Variants in COL23A1 observed in about 807,000 individuals in gnomAD.
COL23A1 encodes the protein collagen alpha-1(XXIII) chain.
Under a neutral mutation model 99.3 loss-of-function variants are expected in COL23A1, and 97 were observed. The observed-to-expected ratio is 0.98, with a 90% confidence interval of 0.83 to 1.16. The LOEUF is 1.16. Ranked by LOEUF, COL23A1 falls within the 50% of genes most tolerant of loss-of-function variation. The pLI is 0.00. For synonymous variants in COL23A1, 320 were observed against 308.2 expected, an observed-to-expected ratio of 1.04 and a Z score of -0.40; for missense variants, 762 against 757.4, an observed-to-expected ratio of 1.01 and a Z score of -0.07.
At chr5:178,424,558 G>A (rs908494381) in intron 2 of COL23A1, among the ~76,000 whole-genome samples, 1 of 152,304 alleles carries the variant, frequency 6.6e-6, no homozygotes, top group South Asian at 2.1e-4. Flanking sequence ...GGCAGTGCTA[G>A]GGCCAGGACA....
chr5:178,283,973 G>A (rs1757029456), intron 5 of COL23A1, among the ~76,000 whole-genome samples: 1 of 152,200 alleles, frequency 6.6e-6, no homozygotes, highest in Admixed American at 6.5e-5. Flanking sequence ...CAGTGCCCAG[G>A]CCAGGGTATG....
At chr5:178,285,276 G>A (rs73804767) in intron 5 of COL23A1, among the ~76,000 whole-genome samples, 3 of 152,150 alleles carry the variant, frequency 2.0e-5, no homozygotes, top group Non-Finnish European at 4.4e-5. Flanking sequence ...TCCACCACCA[G>A]AGTCTCCTGC....
intron 2 of COL23A1, among the ~76,000 whole-genome samples, chr5:178,541,726 C>T (rs1761299880): frequency 6.6e-6 from 1 of 152,234 alleles, no homozygotes; most frequent in African/African-American, 2.4e-5. Flanking sequence ...ACGACAAAAA[C>T]TGGTTACTAC....
chr5:178,254,843 T>G (rs772386406), intron 16 of COL23A1, 106 bp downstream of exon 16: 11 of 980,612 alleles, frequency 1.1e-5, no homozygotes, highest in Non-Finnish European at 1.7e-5. Context: ...CTAAGCTGCC[T>G]CTGGTCCCTT....
At position 178,434,345 on chromosome 5, in the gene COL23A1, A is replaced by AT. The variant is rs1167557315; in HGVS notation, c.361+126336_361+126337insA. Among the ~76,000 whole-genome samples, 4 of 152,206 alleles carry AT rather than the reference A, an allele frequency of 2.6e-5. No individual in the cohort carries two copies. Among genetic ancestry groups the AT allele is most frequent in the Non-Finnish European group, 5.9e-5 (4 of 68,024 alleles). ...GCCCCGAGGCACTGTTCTCCAGGAC[A>AT]GATGCAGCAACCACACATGGTCCCA... On this transcript the variant is annotated intron_variant, in intron 2 of 28. Transcript: ENST00000390654. The surrounding 1 kb of genome is among the most constrained non-coding windows in gnomAD (Gnocchi z 4.3).
chr5:178,362,378 A>G (rs909118149), intron 2 of COL23A1, among the ~76,000 whole-genome samples: 1 of 152,146 alleles, frequency 6.6e-6, no homozygotes, highest in African/African-American at 2.4e-5. Flanking sequence ...GGCCCACAGC[A>G]CGACACCAGC....
chr5:178,303,160 T>C (rs147770748), intron 3 of COL23A1, among the ~76,000 whole-genome samples: 1,689 of 152,242 alleles, frequency 0.011, 30 homozygotes, highest in African/African-American at 0.039. Context: ...CCACCATGCC[T>C]GGCTAATTTT....
chr5:178,466,345 A>G (rs1314130644), intron 2 of COL23A1, among the ~76,000 whole-genome samples: 10 of 152,202 alleles, frequency 6.6e-5, no homozygotes, highest in African/African-American at 2.4e-4. Flanking sequence ...CTGTTGACAT[A>G]GTAGCTTGTT....
rs78857799 is a variant in COL23A1, at chr5:178,504,200, C to T, written c.361+56482G>A. ...ACAATTTCCCATACAATCGCACCCC[C>T]GACCCCCGATTTCCGATATTCTCAG... is the stretch of plus-strand genomic sequence containing the variant. On this transcript the variant is annotated intron_variant, in intron 2 of 28. Transcript: ENST00000390654. 6.0e-3 allele frequency among the ~76,000 whole-genome samples: 920 copies of T among 152,210 alleles called. 10 individuals are homozygous for T. The highest frequency in any genetic ancestry group is 0.021 in the African/African-American group (872 of 41,508).
chr5:178,523,666 G>C (rs902420473), intron 2 of COL23A1: 2 of 151,990 alleles, frequency 1.3e-5, no homozygotes, highest in African/African-American at 4.8e-5. Context: ...ATCAGTGGCC[G>C]TAAGTGTTTC....
At chr5:178,249,716 ACTCTCTCTCTCTCTCTCTCT>A (rs59946818) in intron 18 of COL23A1, among the ~76,000 whole-genome samples, 9 of 92,810 alleles carry the variant, frequency 9.7e-5, no homozygotes, top group South Asian at 8.4e-4. Context: ...ACACACACAC[ACTCTCTCTCTCTCTCTCTCT>A]CTCTCTCTCT....
At position 178,302,447 on chromosome 5, in the gene COL23A1, C is replaced by CGCGCCGGAGCACGGCTTCAATCCACCTG. The variant is rs1561842145; in HGVS notation, c.406+4427_406+4428insCAGGTGGATTGAAGCCGTGCTCCGGCGC. On this transcript the variant is annotated intron_variant, in intron 3 of 28. Coordinates refer to ENST00000390654, the MANE Select transcript of COL23A1 (RefSeq NM_173465.4). ...GCCGGAGCACGGCTTCAATCCACCTCTGTGTGTGCCGGAGCACGGCTTCAA... is the reference window on the plus strand; with the variant it reads ...GCCGGAGCACGGCTTCAATCCACCTCGCGCCGGAGCACGGCTTCAATCCACCTGTGTGTGTGCCGGAGCACGGCTTCAA... Among the ~76,000 whole-genome samples the CGCGCCGGAGCACGGCTTCAATCCACCTG allele has an allele frequency of 5.0e-4, 25 of 49,828 alleles. 3 individuals are homozygous for CGCGCCGGAGCACGGCTTCAATCCACCTG. The East Asian group carries it at 5.3e-3, about 11-fold the overall frequency. The allele number at this position is 49,828 out of a possible 152,430, so 32.7% of individuals were successfully genotyped here.
intron 2 of COL23A1, among the ~76,000 whole-genome samples, chr5:178,354,078 T>C (rs929233988): frequency 6.6e-6 from 1 of 152,098 alleles, no homozygotes; most frequent in African/African-American, 2.4e-5. Flanking sequence ...GGCAGTGTGG[T>C]TGCTGAAGGA....
In COL23A1 at chr5:178,262,237, G is replaced by T; in HGVS notation, c.655C>A (p.Pro219Thr). 1 of 1,583,418 alleles carries T rather than the reference G, an allele frequency of 6.3e-7. No individual in the cohort carries two copies. The highest frequency in any genetic ancestry group is 1.8e-5 in the Admixed American group (1 of 54,974). The change falls in exon 10 of 29, where the codon CCC (proline) becomes ACC (threonine). Residue 219 changes from proline to threonine, a missense_variant. Coordinates refer to ENST00000390654, the MANE Select transcript of COL23A1 (RefSeq NM_173465.4). ...CTGACCATCTCGCCGTCTTGTCCGG[G>T]CTCTCCTTTGGGGCCCTGCGGAAGT... Reference protein sequence around the residue: ...AQGPAGPKGEPGQDGEMGPKG... With the variant: ...AQGPAGPKGETGQDGEMGPKG...
intron 2 of COL23A1, among the ~76,000 whole-genome samples, chr5:178,394,436 A>G (rs1272742968): frequency 6.6e-6 from 1 of 152,184 alleles, no homozygotes; most frequent in East Asian, 1.9e-4. Flanking sequence ...GCCCTCTCTC[A>G]GCTCACTCCC....
intron 2 of COL23A1, among the ~76,000 whole-genome samples, chr5:178,521,795 T>C (rs1331618850): frequency 1.3e-5 from 2 of 152,214 alleles, no homozygotes; most frequent in Non-Finnish European, 2.9e-5. Context: ...AAATATCTAG[T>C]CTAGGCACAG....
Position 178,255,892 on chromosome 5 carries a change from AAAGGT to A in COL23A1, c.882+456_882+460del, listed in dbSNP as rs759382757. The A allele has an allele frequency of 1.9e-5, 7 of 375,242 alleles. No homozygotes were observed. Among genetic ancestry groups the A allele is most frequent in the Non-Finnish European group, 3.3e-5 (6 of 181,502 alleles). The allele number at this position is 375,242 out of a possible 1,614,324, so 23.2% of individuals were successfully genotyped here. ...AGGCCAGGATCCCGGACGTCACCCTAAAGGTAAGGTATGTTGATAGGGGCTGGTCA... is the reference window on the plus strand; with the variant it reads ...AGGCCAGGATCCCGGACGTCACCCTAAAGGTATGTTGATAGGGGCTGGTCA... On this transcript the variant is annotated intron_variant, in intron 15 of 28. Coordinates refer to ENST00000390654, the MANE Select transcript of COL23A1 (RefSeq NM_173465.4). This position sits in a 1 kb window ranked among gnomAD's most constrained non-coding sequence, Gnocchi z 4.2.
Position 178,574,526 on chromosome 5 carries a change from G to A in COL23A1, c.295-13778C>T, listed in dbSNP as rs1581665406. ...AAGCATTCTACTCGCCACGGGGTTG[G>A]ATGCTACACAGACGCCAATGAAAAG... On this transcript the variant is annotated intron_variant, in intron 1 of 28. Transcript: ENST00000390654. 3.3e-5 allele frequency among the ~76,000 whole-genome samples: 5 copies of A among 152,308 alleles called. No individual in the cohort carries two copies. In the South Asian group the frequency reaches 1.0e-3, roughly 32 times the overall value.
At chr5:178,476,277 C>CT (rs34791154) in intron 2 of COL23A1, among the ~76,000 whole-genome samples, 1 of 152,186 alleles carries the variant, frequency 6.6e-6, no homozygotes, top group Non-Finnish European at 1.5e-5. Flanking sequence ...GCACATACCC[C>CT]TTTCCCAGCG....
Sources: gnomAD v4.1 joint callset for allele counts (sites outside exome capture counted in the v4.1 genomes callset) on GRCh38, gnomAD v4.1.1 for gene constraint, Gnocchi (gnomAD v3.1) non-coding constraint, MANE v1.5 for transcripts, NCBI Gene and HGNC (gene_info 2026-07-23, HGNC 2026-07-21) for gene names.